Variants in DR1 observed in about 807,000 individuals in gnomAD.
The protein encoded by DR1 is protein Dr1.
DR1 carries 7 observed loss-of-function variants against 19.9 expected under a neutral mutation model. That is an observed-to-expected ratio of 0.35 (90% CI 0.20 to 0.66). The LOEUF (loss-of-function observed/expected upper bound fraction) is 0.66. Among genes scored for constraint, DR1 ranks in the 30% least tolerant of loss-of-function variants. The pLI is 0.66. For missense variants in DR1, 98 were observed against 203.7 expected (o/e 0.48, Z 3.16); for synonymous variants, 76 against 72.5 (o/e 1.05, Z -0.24).
At position 93,361,391 on chromosome 1, in the gene DR1, C is replaced by T. The variant is rs1667049954; in HGVS notation, c.*752C>T. 1 of 152,422 alleles carries T rather than the reference C, an allele frequency of 6.6e-6. No individual in the cohort carries two copies. The allele number at this position is 152,422 out of a possible 1,614,324, so 9.4% of individuals were successfully genotyped here. A position where few individuals can be genotyped will look rare whatever the true frequency, so the allele number is the denominator to read the frequency against. ...TGTCATGATTTTTACTCTTTCACTC[C>T]AATTCAGTAATTGTTGATAGTATTA... On this transcript the variant is annotated 3_prime_UTR_variant, in exon 3 of 3. Transcript: ENST00000370272.
At chr1:93,358,803 T>C (rs904102931) in intron 2 of DR1, among the ~76,000 whole-genome samples, 1 of 152,206 alleles carries the variant, frequency 6.6e-6, no homozygotes, top group Admixed American at 6.5e-5. Context: ...ATTCTTCGTA[T>C]TAAATTTTTT....
chr1:93,357,520 A>AAT (rs1023058325), intron 2 of DR1, among the ~76,000 whole-genome samples: 10 of 151,654 alleles, frequency 6.6e-5, no homozygotes, highest in Non-Finnish European at 1.5e-4. Context: ...CCATCTCTAA[A>AAT]ATAAATAAAT....
At chr1:93,354,150 A>C in intron 2 of DR1, 79 bp downstream of exon 2, 1 of 1,397,554 alleles carries the variant, frequency 7.2e-7, no homozygotes, top group East Asian at 2.4e-5. Context: ...ATTAACAGAC[A>C]TACCCAGAGG....
Position 93,367,832 on chromosome 1 carries a change from T to C in DR1, c.*7193T>C, listed in dbSNP as rs189651684. 12 of 152,322 alleles carry C rather than the reference T, an allele frequency of 7.9e-5. No homozygotes were observed. The highest frequency in any genetic ancestry group is 2.6e-4 in the African/African-American group (11 of 41,534). The allele number at this position is 152,322 out of a possible 1,614,324, so 9.4% of individuals were successfully genotyped here. Reference sequence around the variant, plus strand: ...ATAGAGACCATCCCGGCCAACATAGTGAAACCTCATCTGTGCTAAAATACA... The same window carrying C: ...ATAGAGACCATCCCGGCCAACATAGCGAAACCTCATCTGTGCTAAAATACA... On this transcript the variant is annotated 3_prime_UTR_variant, in exon 3 of 3. Coordinates refer to ENST00000370272, the MANE Select transcript of DR1 (RefSeq NM_001938.3).
intron 1 of DR1, among the ~76,000 whole-genome samples, chr1:93,348,052 A>G (rs913453451): frequency 3.3e-5 from 5 of 152,058 alleles, no homozygotes; most frequent in East Asian, 1.9e-4. Flanking sequence ...ACCATATCCA[A>G]TATTTTACTC....
At position 93,361,249 on chromosome 1, in the gene DR1, G is replaced by A. The variant is rs1281702211; in HGVS notation, c.*610G>A. 2.0e-5 allele frequency: 3 copies of A among 152,512 alleles called. No individual in the cohort carries two copies. Among genetic ancestry groups the A allele is most frequent in the Non-Finnish European group, 2.9e-5 (2 of 67,972 alleles). 9.4% of individuals were successfully genotyped at this position (152,512 alleles called of 1,614,324 possible). On this transcript the variant is annotated 3_prime_UTR_variant, in exon 3 of 3. Coordinates refer to ENST00000370272, the MANE Select transcript of DR1 (RefSeq NM_001938.3). Reference sequence around the variant, plus strand: ...TAATAGTATTTGTATAAATTTGGTGGTTATGTTTTTTTATTTTGTTTCTGT... The same window carrying A: ...TAATAGTATTTGTATAAATTTGGTGATTATGTTTTTTTATTTTGTTTCTGT...
rs1430846443 is a variant in DR1, at chr1:93,346,718, A to G, written c.73A>G (p.Thr25Ala). The change falls in exon 1 of 3, where the codon ACT becomes GCT. Residue 25 changes from threonine (T) to alanine (A), a missense_variant. Coordinates refer to ENST00000370272, the MANE Select transcript of DR1 (RefSeq NM_001938.3). Reference protein sequence around the residue: ...RAAINKMIKETLPNVRVANDA... With the variant: ...RAAINKMIKEALPNVRVANDA... ...TGCTATCAATAAAATGATCAAAGAG[A>G]CTCTTCCTAATGTCCGGGTGGCCAA... 6.2e-7 allele frequency: 1 copy of G among 1,611,906 alleles called. No homozygotes were observed. The highest frequency in any genetic ancestry group is 1.7e-5 in the Admixed American group (1 of 59,802).
chr1:93,350,400 T>C (rs1003280679), intron 1 of DR1, among the ~76,000 whole-genome samples: 1 of 152,196 alleles, frequency 6.6e-6, no homozygotes, highest in African/African-American at 2.4e-5. Flanking sequence ...TTATGTGAAA[T>C]ACATTAGTTG....
At chr1:93,359,711 A>C (rs1215816038) in intron 2 of DR1, among the ~76,000 whole-genome samples, 3 of 152,192 alleles carry the variant, frequency 2.0e-5, no homozygotes, top group Admixed American at 6.5e-5. Flanking sequence ...ATGAAATTAA[A>C]TTGTGAAGGA....
chr1:93,356,699 G>T lies in DR1; in HGVS notation c.384+2628G>T, dbSNP rs1288332687. On this transcript the variant is annotated intron_variant, in intron 2 of 2. Coordinates refer to ENST00000370272, the MANE Select transcript of DR1 (RefSeq NM_001938.3). ...TGAATTTATGTATTTGATTTGCCCT[G>T]CAATTTTCTTATGAACTCTTACAAT... Among the ~76,000 whole-genome samples the T allele has an allele frequency of 2.7e-5, 4 of 150,332 alleles. No individual in the cohort carries two copies. In the Admixed American group the frequency reaches 2.7e-4, roughly 10 times the overall value.
In DR1 at chr1:93,346,206, G is replaced by A. The variant is rs1570706780; in HGVS notation, c.-440G>A. On this transcript the variant is annotated 5_prime_UTR_variant, in exon 1 of 3. Transcript: ENST00000370272. ...TGGCGGCGGCGGCAGCGGCAGCGGG[G>A]CCTCGGGCTCTATAGAGCCGAGCCC... 5.1e-6 allele frequency: 1 copy of A among 196,798 alleles called. No homozygotes were observed. The highest frequency in any genetic ancestry group is 1.0e-5 in the Non-Finnish European group (1 of 97,190). 12.2% of individuals were successfully genotyped at this position (196,798 alleles called of 1,614,324 possible). A position where few individuals can be genotyped will look rare whatever the true frequency, so the allele number is the denominator to read the frequency against.
At chr1:93,358,980 G>A (rs1043881422) in intron 2 of DR1, among the ~76,000 whole-genome samples, 2 of 152,120 alleles carry the variant, frequency 1.3e-5, no homozygotes, top group Non-Finnish European at 2.9e-5. Context: ...GCAAAGATGA[G>A]GAAGTATGGT....
chr1:93,350,341 A>G (rs1666900967), intron 1 of DR1, among the ~76,000 whole-genome samples: 1 of 152,138 alleles, frequency 6.6e-6, no homozygotes, highest in South Asian at 2.1e-4. Context: ...AACCTTTGCC[A>G]GGCTAATGAG....
chr1:93,364,117 A>C lies in DR1; in HGVS notation c.*3478A>C, dbSNP rs977585559. 6.6e-6 allele frequency: 1 copy of C among 152,230 alleles called. No homozygotes were observed. The highest frequency in any genetic ancestry group is 2.4e-5 in the African/African-American group (1 of 41,468). The allele number at this position is 152,230 out of a possible 1,614,324, so 9.4% of individuals were successfully genotyped here. A position where few individuals can be genotyped will look rare whatever the true frequency, so the allele number is the denominator to read the frequency against. On this transcript the variant is annotated 3_prime_UTR_variant, in exon 3 of 3. Coordinates refer to ENST00000370272, the MANE Select transcript of DR1 (RefSeq NM_001938.3). ...AGAAGGCACCATTTTAATGTGTAGC[A>C]TAAAAATGAATTACGCTAATGATCT...
chr1:93,357,139 G>A (rs571057278), intron 2 of DR1, among the ~76,000 whole-genome samples: 1 of 152,156 alleles, frequency 6.6e-6, no homozygotes, highest in African/African-American at 2.4e-5. Flanking sequence ...TTACAAAAAT[G>A]GATGACAGTC....
Position 93,360,694 on chromosome 1 carries a change from A to C in DR1, c.*55A>C. 6.5e-7 allele frequency: 1 copy of C among 1,549,324 alleles called. No homozygotes were observed. The highest frequency in any genetic ancestry group is 8.7e-7 in the Non-Finnish European group (1 of 1,155,508). ...ATAAATGTTTTTCCCTGCACAACAA[A>C]AACAGTGAAAGAAATGCTTATCTGT... is the stretch of plus-strand genomic sequence containing the variant. On this transcript the variant is annotated 3_prime_UTR_variant, in exon 3 of 3. Coordinates refer to ENST00000370272, the MANE Select transcript of DR1 (RefSeq NM_001938.3).
rs1464032566 is a variant in DR1 at position 93,368,686 on chromosome 1, A to G, written c.*8047A>G. On this transcript the variant is annotated 3_prime_UTR_variant, in exon 3 of 3. Transcript: ENST00000370272. ...TAGGGTGTAGTAGTGTGGTTAAGCT[A>G]TGAAGAACAATGGTATTTATTTCCA... 1 of 152,196 alleles carries G rather than the reference A, an allele frequency of 6.6e-6. No homozygotes were observed. Among genetic ancestry groups the G allele is most frequent in the Non-Finnish European group, 1.5e-5 (1 of 68,022 alleles). 9.4% of individuals were successfully genotyped at this position (152,196 alleles called of 1,614,324 possible). A position where few individuals can be genotyped will look rare whatever the true frequency, so the allele number is the denominator to read the frequency against.
chr1:93,349,668 G>T (rs1275524177), intron 1 of DR1, among the ~76,000 whole-genome samples: 2 of 152,034 alleles, frequency 1.3e-5, no homozygotes, highest in Non-Finnish European at 2.9e-5. Flanking sequence ...GAGTATCTGA[G>T]AATTTGCGTC....
chr1:93,369,365 C>T lies in DR1; in HGVS notation c.*8726C>T, dbSNP rs776320178. Reference sequence around the variant, plus strand: ...GCTTTTGCAAGGTAATTGTAGAACTCATTCTAAGGAAGCAGAGGTAATGTC... The same window carrying T: ...GCTTTTGCAAGGTAATTGTAGAACTTATTCTAAGGAAGCAGAGGTAATGTC... On this transcript the variant is annotated 3_prime_UTR_variant, in exon 3 of 3. Transcript: ENST00000370272. 1 of 152,200 alleles carries T rather than the reference C, an allele frequency of 6.6e-6. No homozygotes were observed. Among genetic ancestry groups the T allele is most frequent in the South Asian group, 2.1e-4 (1 of 4,834 alleles). 9.4% of individuals were successfully genotyped at this position (152,200 alleles called of 1,614,324 possible).
Sources: gnomAD v4.1 joint callset for allele counts (sites outside exome capture counted in the v4.1 genomes callset) on GRCh38, gnomAD v4.1.1 for gene constraint, MANE v1.5 for transcripts, NCBI Gene and HGNC (gene_info 2026-07-23, HGNC 2026-07-21) for gene names.